The following ELOVL2 variants were observed in gnomAD, a reference collection of about 807,000 sequenced individuals.
The protein encoded by ELOVL2 is ELOVL fatty acid elongase 2.
A neutral mutation model predicts 37.7 loss-of-function variants in ELOVL2; 38 were observed. The observed-to-expected ratio is 1.01, with a 90% CI of 0.78 to 1.32. The LOEUF is 1.32. Among genes scored for constraint, ELOVL2 ranks in the 40% most tolerant of loss-of-function variants. ELOVL2 has a pLI of 0.00. For synonymous variants in ELOVL2, 115 were observed against 122.3 expected (o/e 0.94, Z 0.40); for missense variants, 352 against 363.6 (o/e 0.97, Z 0.26).
chr6:11,033,668 GATTTTCA>G (rs1480762660), intron 1 of ELOVL2, among the ~76,000 whole-genome samples: 1 of 152,176 alleles, frequency 6.6e-6, no homozygotes, highest in Non-Finnish European at 1.5e-5. Context: ...ATATAGTTAA[GATTTTCA>G]ATTTTCACTG....
intron 2 of ELOVL2, among the ~76,000 whole-genome samples, chr6:11,006,817 C>T (rs1782491031): frequency 1.3e-5 from 2 of 152,254 alleles, no homozygotes; most frequent in South Asian, 4.1e-4. Context: ...TAAGTCTGTG[C>T]TGTGTGTCAC....
At chr6:11,035,130 T>C (rs948107658) in intron 1 of ELOVL2, among the ~76,000 whole-genome samples, 1 of 152,236 alleles carries the variant, frequency 6.6e-6, no homozygotes, top group South Asian at 2.1e-4. Flanking sequence ...TAAATATATT[T>C]GTGTTACTAC....
chr6:11,010,872 C>G, intron 1 of ELOVL2, 63 bp from the exon 2 acceptor site: 2 of 1,236,584 alleles, frequency 1.6e-6, no homozygotes, highest in Non-Finnish European at 2.3e-6. Flanking sequence ...ACGGTCAAAA[C>G]AAGCCACTAC....
In ELOVL2 at chr6:10,985,358, T is replaced by C. The variant is rs532800073; in HGVS notation, c.766-1452A>G. Among the ~76,000 whole-genome samples the C allele has an allele frequency of 5.3e-5, 8 of 151,710 alleles. No homozygotes were observed. In the East Asian group the frequency reaches 9.7e-4, roughly 18 times the overall value. ...TTTCTTTTGCTGTGCAGAAGTTCTT[T>C]AGTTTAATTAGATCCCATTTGTCAA... On this transcript the variant is annotated intron_variant, in intron 7 of 7. Coordinates refer to ENST00000354666, the MANE Select transcript of ELOVL2 (RefSeq NM_017770.4).
intron 2 of ELOVL2, among the ~76,000 whole-genome samples, chr6:11,009,449 C>T (rs540015965): frequency 6.6e-5 from 10 of 152,186 alleles, no homozygotes; most frequent in East Asian, 1.9e-4. Flanking sequence ...TGGTTGACCA[C>T]GGGTAACTGG....
chr6:11,010,912 G>T, intron 1 of ELOVL2, 103 bp from the exon 2 acceptor site: 1 of 857,170 alleles, frequency 1.2e-6, no homozygotes, highest in South Asian at 1.5e-5. Context: ...GACTTTCAAA[G>T]GGTCCCAGCT....
In ELOVL2 at chr6:10,981,512, C is replaced by T. The variant is rs2113452216; in HGVS notation, c.*2269G>A. ...AATTGAAGACCAAATTGGAAATACA[C>T]ATCATGAATGAAACCTCTCTCTAGT... On this transcript the variant is annotated 3_prime_UTR_variant, in exon 8 of 8. Coordinates refer to ENST00000354666, the MANE Select transcript of ELOVL2 (RefSeq NM_017770.4). 6.5e-6 allele frequency: 1 copy of T among 152,714 alleles called. No individual in the cohort carries two copies. Among genetic ancestry groups the T allele is most frequent in the Non-Finnish European group, 1.5e-5 (1 of 68,022 alleles). The allele number at this position is 152,714 out of a possible 1,614,324, so 9.5% of individuals were successfully genotyped here. A position where few individuals can be genotyped will look rare whatever the true frequency, so the allele number is the denominator to read the frequency against.
At chr6:10,989,367 T>G (rs776435150) in intron 7 of ELOVL2, among the ~76,000 whole-genome samples, 1 of 152,202 alleles carries the variant, frequency 6.6e-6, no homozygotes, top group Non-Finnish European at 1.5e-5. Flanking sequence ...AAGTGCATGA[T>G]CTAGGCTGGG....
At chr6:11,001,079 C>T (rs1012000753) in intron 3 of ELOVL2, among the ~76,000 whole-genome samples, 11 of 152,182 alleles carry the variant, frequency 7.2e-5, no homozygotes, top group Admixed American at 2.0e-4. Context: ...ATATTTTCTG[C>T]TGCCTTAGAG....
chr6:10,989,880 G>A (rs1782120472), intron 6 of ELOVL2, 43 bp from the exon 7 acceptor site: 2 of 1,611,246 alleles, frequency 1.2e-6, no homozygotes, highest in Non-Finnish European at 8.5e-7. Context: ...GAGCCAGGCT[G>A]TGCCACACAG....
intron 7 of ELOVL2, among the ~76,000 whole-genome samples, chr6:10,989,365 G>A (rs989388026): frequency 1.3e-5 from 2 of 152,218 alleles, no homozygotes; most frequent in Non-Finnish European, 2.9e-5. Flanking sequence ...AAAAGTGCAT[G>A]ATCTAGGCTG....
chr6:10,993,855 T>TC (rs1762639651), intron 5 of ELOVL2, among the ~76,000 whole-genome samples: 1 of 123,746 alleles, frequency 8.1e-6, no homozygotes, highest in Non-Finnish European at 1.6e-5. Context: ...CACGCCCAGC[T>TC]AATTTTTTTT....
At chr6:10,984,595 G>A (rs1782010571) in intron 7 of ELOVL2, among the ~76,000 whole-genome samples, 1 of 144,330 alleles carries the variant, frequency 6.9e-6, no homozygotes, top group African/African-American at 2.6e-5. Flanking sequence ...CCACCTATGA[G>A]TGAGAACATG....
chr6:11,037,551 A>G (rs555361785), intron 1 of ELOVL2, among the ~76,000 whole-genome samples: 1 of 152,264 alleles, frequency 6.6e-6, no homozygotes, highest in Non-Finnish European at 1.5e-5. Context: ...AAAAAAAAAA[A>G]AAAAAGTGAT....
intron 1 of ELOVL2, among the ~76,000 whole-genome samples, chr6:11,027,969 C>T (rs920834794): frequency 3.9e-5 from 6 of 152,164 alleles, no homozygotes; most frequent in African/African-American, 1.4e-4. Flanking sequence ...TTCAGAATGT[C>T]GTAGAACTAT....
intron 1 of ELOVL2, chr6:11,043,467 A>ACACACACACACACAC (rs1783138710): frequency 9.3e-6 from 1 of 107,206 alleles, no homozygotes; most frequent in Admixed American, 9.9e-5. Context: ...GACACGGGTG[A>ACACACACACACACAC]ACACACACAC....
At chr6:10,993,243 A>G (rs1416553677) in intron 5 of ELOVL2, among the ~76,000 whole-genome samples, 1 of 152,214 alleles carries the variant, frequency 6.6e-6, no homozygotes, top group Non-Finnish European at 1.5e-5. Context: ...ATGAACCAGG[A>G]ATTGGGTTCT....
chr6:11,025,578 G>C (rs1441121393), intron 1 of ELOVL2, among the ~76,000 whole-genome samples: 1 of 152,074 alleles, frequency 6.6e-6, no homozygotes, highest in Admixed American at 6.5e-5. Flanking sequence ...ATGAACAAAT[G>C]CCTATTTGAA....
chr6:11,039,111 A>G (rs1783060627), intron 1 of ELOVL2, among the ~76,000 whole-genome samples: 1 of 152,210 alleles, frequency 6.6e-6, no homozygotes, highest in Non-Finnish European at 1.5e-5. Flanking sequence ...TATACAGCCA[A>G]AGGGCAGCCA....
Sources: gnomAD v4.1 joint callset for allele counts (sites outside exome capture counted in the v4.1 genomes callset) on GRCh38, gnomAD v4.1.1 for gene constraint, MANE v1.5 for transcripts, NCBI Gene and HGNC (gene_info 2026-07-23, HGNC 2026-07-21) for gene names.